Variants in INPP5D observed in about 807,000 individuals in gnomAD.
The protein encoded by INPP5D is inositol polyphosphate-5-phosphatase D.
INPP5D carries 33 observed loss-of-function variants against 122.9 expected under a neutral mutation model. The ratio of observed to expected loss-of-function variants is 0.27; its 90% CI spans 0.20 to 0.36. The LOEUF (loss-of-function observed/expected upper bound fraction) is 0.36, where lower values mean the gene tolerates loss of function less well. INPP5D is among the 10% of genes least tolerant of loss of function. INPP5D has a pLI of 1.00. For synonymous variants in INPP5D, 584 were observed against 576.2 expected (o/e 1.01, Z -0.19); for missense variants, 1,053 against 1,412.7 (o/e 0.75, Z 4.08).
intron 1 of INPP5D, among the ~76,000 whole-genome samples, chr2:233,072,416 A>T (rs1691405564): frequency 1.3e-5 from 2 of 152,152 alleles, no homozygotes; most frequent in Non-Finnish European, 2.9e-5. Flanking sequence ...GTACTCTGAA[A>T]CTTATTTAGG....
intron 6 of INPP5D, chr2:233,145,180 G>A: frequency 2.2e-6 from 1 of 455,642 alleles, no homozygotes; most frequent in Non-Finnish European, 4.4e-6. Flanking sequence ...TAGATGCTTT[G>A]TAAATGTTTC....
At chr2:233,168,615 A>G (rs1309499683) in intron 13 of INPP5D, among the ~76,000 whole-genome samples, 1 of 152,240 alleles carries the variant, frequency 6.6e-6, no homozygotes, top group Non-Finnish European at 1.5e-5. Context: ...TGAATTTCGT[A>G]TTTTCATGAA....
intron 9 of INPP5D, among the ~76,000 whole-genome samples, chr2:233,152,370 G>T (rs1341780244): frequency 6.6e-6 from 1 of 152,180 alleles, no homozygotes; most frequent in Non-Finnish European, 1.5e-5. Context: ...GCCAGTTGCT[G>T]TATGTTCAAA....
rs199757438 is a variant in INPP5D at position 233,163,807 on chromosome 2, C to T, written c.1341C>T (p.Tyr447=). The change falls in exon 12 of 27, where the codon TAC becomes TAT. Residue 447 remains tyrosine (Y), a synonymous_variant. Transcript: ENST00000445964. ...DSADYIPHDI[Y]VIGTQEDPLS... ...CGGACTACATCCCCCATGACATTTACGTGATCGGCACCCAAGAGGACCCCC... is the reference window on the plus strand; with the variant it reads ...CGGACTACATCCCCCATGACATTTATGTGATCGGCACCCAAGAGGACCCCC... The T allele has an allele frequency of 2.8e-4, 451 of 1,613,824 alleles. No individual in the cohort carries two copies. The highest frequency in any genetic ancestry group is 3.5e-4 in the Non-Finnish European group (412 of 1,179,888).
Position 233,185,827 on chromosome 2 carries a change from T to C in INPP5D, c.2276-16T>C. 6.3e-7 allele frequency: 1 copy of C among 1,591,740 alleles called. No individual in the cohort carries two copies. Among genetic ancestry groups the C allele is most frequent in the Non-Finnish European group, 8.6e-7 (1 of 1,168,580 alleles). The stretch of plus-strand genomic sequence containing the variant: ...TGCTCTGTTTTCTGAAAACCAGCCT[T>C]TTTGTCCTCCAACAGGTTTTGTCAA... On this transcript the variant is annotated splice_polypyrimidine_tract_variant and intron_variant, in intron 20 of 26. Coordinates refer to ENST00000445964, the MANE Select transcript of INPP5D (RefSeq NM_001017915.3).
intron 1 of INPP5D, among the ~76,000 whole-genome samples, chr2:233,061,363 G>C (rs1691069673): frequency 6.6e-6 from 1 of 152,072 alleles, no homozygotes; most frequent in Non-Finnish European, 1.5e-5. Flanking sequence ...CCCCCTTCCT[G>C]TCCAGCGTCT....
At chr2:233,064,305 G>C (rs758058772) in intron 1 of INPP5D, among the ~76,000 whole-genome samples, 1 of 152,238 alleles carries the variant, frequency 6.6e-6, no homozygotes, top group Admixed American at 6.5e-5. Context: ...CCCAGTGCCT[G>C]GTCTGGCCAC....
rs967656057 is a variant in INPP5D, at chr2:233,131,642, G to A, written c.665+994G>A. On this transcript the variant is annotated intron_variant, in intron 5 of 26. Transcript: ENST00000445964. The stretch of plus-strand genomic sequence containing the variant: ...TTGAACCTGGGAGGCTGAGGTTGTG[G>A]TGAGCCGAGATCTCGCCACTGCACT... Among the ~76,000 whole-genome samples the A allele has an allele frequency of 5.3e-5, 8 of 152,320 alleles. No individual in the cohort carries two copies. The East Asian group carries it at 1.4e-3, about 26-fold the overall frequency.
At chr2:233,090,312 T>C (rs370150190) in intron 2 of INPP5D, among the ~76,000 whole-genome samples, 19 of 152,308 alleles carry the variant, frequency 1.2e-4, no homozygotes, top group East Asian at 9.6e-4. Context: ...ATTGAATTAA[T>C]CCATACATGA....
At chr2:233,157,432 T>TA (rs375832323) in intron 9 of INPP5D, among the ~76,000 whole-genome samples, 70 of 140,772 alleles carry the variant, frequency 5.0e-4, no homozygotes, top group African/African-American at 9.8e-4. Flanking sequence ...TTAGAAACAA[T>TA]AAAAAAAAAA....
chr2:233,101,575 A>G (rs903154735), intron 2 of INPP5D, among the ~76,000 whole-genome samples: 7 of 147,098 alleles, frequency 4.8e-5, no homozygotes, highest in Admixed American at 2.7e-4. Context: ...TATATGTCAT[A>G]TAACATTATT....
intron 4 of INPP5D, among the ~76,000 whole-genome samples, chr2:233,129,232 A>G (rs1470296641): frequency 6.6e-6 from 1 of 152,192 alleles, no homozygotes; most frequent in African/African-American, 2.4e-5. Context: ...GCTAATTAAC[A>G]TGGTTAAGCC....
rs762287573 is a variant in INPP5D, at chr2:233,204,294, G to A, written c.3144G>A (p.Pro1048=). The change falls in exon 26 of 27, where the codon CCG becomes CCA. Residue 1048 remains proline, a synonymous_variant. Transcript: ENST00000445964. ...CCAAAATGCCGCGGAAGGAACCCCC[G>A]CCCTGCCCGGAACCCGGCATCTTGT... The part of the protein sequence containing the change: ...ESPKMPRKEP[P]PCPEPGILSP... The A allele has an allele frequency of 1.7e-5, 28 of 1,612,888 alleles. No individual in the cohort carries two copies. Among genetic ancestry groups the A allele is most frequent in the Admixed American group, 1.7e-5 (1 of 59,972 alleles).
At chr2:233,152,675 A>G (rs1483451406) in intron 9 of INPP5D, among the ~76,000 whole-genome samples, 1 of 152,146 alleles carries the variant, frequency 6.6e-6, no homozygotes, top group African/African-American at 2.4e-5. Flanking sequence ...GCTGTGCCCA[A>G]CCCAGGGAAA....
At chr2:233,113,976 TC>T (rs1384929189) in intron 2 of INPP5D, among the ~76,000 whole-genome samples, 2 of 145,984 alleles carry the variant, frequency 1.4e-5, no homozygotes, top group Non-Finnish European at 3.0e-5. Context: ...AGTGGCGCCA[TC>T]TCAGCTCACT....
chr2:233,155,371 C>A (rs921519819), intron 9 of INPP5D, among the ~76,000 whole-genome samples: 1 of 152,064 alleles, frequency 6.6e-6, no homozygotes, highest in South Asian at 2.1e-4. Flanking sequence ...GCCTGTAATC[C>A]CAGCGCTTTG....
chr2:233,153,962 G>C lies in INPP5D; in HGVS notation c.1031-4351G>C, dbSNP rs190004797. ...GAAACTTGATCAGCCCAGGGGCAAA[G>C]ATGGAAAGGTGTTGCCATCACGCAG... On this transcript the variant is annotated intron_variant, in intron 9 of 26. Transcript: ENST00000445964. Among the ~76,000 whole-genome samples the C allele has an allele frequency of 1.6e-3, 250 of 152,330 alleles. 1 individual carries two copies. Among genetic ancestry groups the C allele is most frequent in the African/African-American group, 5.9e-3 (244 of 41,586 alleles).
Position 233,185,828 on chromosome 2 carries a change from T to C in INPP5D, c.2276-15T>C. 3 of 1,592,084 alleles carry C rather than the reference T, an allele frequency of 1.9e-6. No homozygotes were observed. The highest frequency in any genetic ancestry group is 2.6e-6 in the Non-Finnish European group (3 of 1,168,736). ...GCTCTGTTTTCTGAAAACCAGCCTTTTTGTCCTCCAACAGGTTTTGTCAAG... is the reference window on the plus strand; with the variant it reads ...GCTCTGTTTTCTGAAAACCAGCCTTCTTGTCCTCCAACAGGTTTTGTCAAG... On this transcript the variant is annotated splice_polypyrimidine_tract_variant and intron_variant, in intron 20 of 26. Transcript: ENST00000445964.
intron 1 of INPP5D, among the ~76,000 whole-genome samples, chr2:233,073,640 C>CAAAAAAAA (rs752382722): frequency 4.5e-5 from 2 of 44,202 alleles, no homozygotes; most frequent in African/African-American, 7.4e-5. Context: ...AACTCAATCT[C>CAAAAAAAA]AAAAAAAAAA....
Sources: gnomAD v4.1 joint callset for allele counts (sites outside exome capture counted in the v4.1 genomes callset) on GRCh38, gnomAD v4.1.1 for gene constraint, MANE v1.5 for transcripts, NCBI Gene and HGNC (gene_info 2026-07-23, HGNC 2026-07-21) for gene names.